RBFOX1: variants seen among roughly 807,000 people sequenced by gnomAD.
RBFOX1 encodes RNA binding fox-1 homolog 1, also known as RNA binding protein fox-1 homolog 1.
Under a neutral mutation model 57.7 loss-of-function variants are expected in RBFOX1, and 8 were observed. That is an observed-to-expected ratio of 0.14 (90% CI 0.08 to 0.25). RBFOX1 has a LOEUF of 0.25. Ranked by LOEUF, RBFOX1 falls within the 10% of genes least tolerant of loss-of-function variation. The pLI is 1.00. For missense variants in RBFOX1, 611 were observed against 548.5 expected, an observed-to-expected ratio of 1.11 and a Z score of -1.14; for synonymous variants, 326 against 222.4, an observed-to-expected ratio of 1.47 and a Z score of -4.15.
chr16:6,562,871 TCTTTCTTTC>T (rs1328655390), intron 2 of RBFOX1, among the ~76,000 whole-genome samples: 819 of 66,632 alleles, frequency 0.012, 11 homozygotes, highest in Middle Eastern at 0.016. Flanking sequence ...TTTCTTTCTT[TCTTTCTTTC>T]TTTTTTTTTT....
intron 2 of RBFOX1, among the ~76,000 whole-genome samples, chr16:6,367,762 A>T (rs2089866908): frequency 6.6e-6 from 1 of 151,610 alleles, no homozygotes; most frequent in Non-Finnish European, 1.5e-5. Context: ...AAAAAAAAAA[A>T]ATAGGGAAAA....
At chr16:6,303,252 C>G (rs749303015) in intron 1 of RBFOX1, among the ~76,000 whole-genome samples, 3 of 152,074 alleles carry the variant, frequency 2.0e-5, no homozygotes, top group African/African-American at 4.8e-5. Flanking sequence ...CACTTCAGTG[C>G]CATTTTCGTT....
intron 4 of RBFOX1, among the ~76,000 whole-genome samples, chr16:7,115,655 A>G (rs1379645634): frequency 1.3e-5 from 2 of 152,216 alleles, no homozygotes; most frequent in African/African-American, 2.4e-5. Flanking sequence ...AGAATAAGCA[A>G]TTCAAGAGAG....
chr16:7,704,867 A>G (rs531773800), intron 14 of RBFOX1, among the ~76,000 whole-genome samples: 79 of 152,048 alleles, frequency 5.2e-4, no homozygotes, highest in South Asian at 1.0e-3. Context: ...CCTGGGCAAC[A>G]TGGTGAAATG....
At chr16:6,323,373 G>A (rs2152792423) in intron 2 of RBFOX1, among the ~76,000 whole-genome samples, 1 of 152,286 alleles carries the variant, frequency 6.6e-6, no homozygotes, top group East Asian at 1.9e-4. Flanking sequence ...TTTACTGGGT[G>A]TGCACAATCT....
intron 4 of RBFOX1, among the ~76,000 whole-genome samples, chr16:7,250,899 A>G (rs903053587): frequency 3.9e-5 from 6 of 152,242 alleles, no homozygotes; most frequent in Non-Finnish European, 2.9e-5. Flanking sequence ...TTGAATTGAC[A>G]AAGATGGTAT....
intron 3 of RBFOX1, among the ~76,000 whole-genome samples, chr16:6,701,987 T>G (rs1346028314): frequency 6.6e-6 from 1 of 152,150 alleles, no homozygotes; most frequent in Non-Finnish European, 1.5e-5. Flanking sequence ...AAACTACCTG[T>G]TGGGTACTAT....
chr16:6,068,720 C>G (rs35619956), intron 1 of RBFOX1, among the ~76,000 whole-genome samples: 48,108 of 151,978 alleles, frequency 0.32, 8,572 homozygotes, highest in Non-Finnish European at 0.4. Context: ...TAATCACTTA[C>G]GTCTTTAGAG....
chr16:5,728,188 A>T (rs1236361539), intron 3 of RBFOX1, among the ~76,000 whole-genome samples: 1 of 152,244 alleles, frequency 6.6e-6, no homozygotes, highest in African/African-American at 2.4e-5. Context: ...ACAATAGCCA[A>T]GATATACAAA....
chr16:5,563,995 T>C (rs532597848), intron 2 of RBFOX1, among the ~76,000 whole-genome samples: 45 of 152,232 alleles, frequency 3.0e-4, no homozygotes, highest in African/African-American at 1.1e-3. Flanking sequence ...GTACTCAGTG[T>C]GTAGGAGAGA....
chr16:7,633,057 C>T (rs572809455), intron 11 of RBFOX1, among the ~76,000 whole-genome samples: 19 of 152,226 alleles, frequency 1.2e-4, no homozygotes, highest in African/African-American at 4.1e-4. Context: ...GAGGGCCACC[C>T]AAGCCAGCCC....
At chr16:7,053,229 A>C (rs1447233016) in intron 4 of RBFOX1, among the ~76,000 whole-genome samples, 1 of 152,146 alleles carries the variant, frequency 6.6e-6, no homozygotes, top group Admixed American at 6.6e-5. Context: ...CGAGAAAGTG[A>C]GACAAGGTTT....
chr16:6,623,719 T>A (rs577206336), intron 2 of RBFOX1, among the ~76,000 whole-genome samples: 37 of 152,240 alleles, frequency 2.4e-4, no homozygotes, highest in Middle Eastern at 3.4e-3. Context: ...CTTGCGATAG[T>A]TTGCTGAGAA....
At chr16:5,968,609 C>T (rs921628476) in intron 4 of RBFOX1, among the ~76,000 whole-genome samples, 1 of 152,038 alleles carries the variant, frequency 6.6e-6, no homozygotes, top group East Asian at 1.9e-4. Flanking sequence ...TGTTCTTTTG[C>T]CAAGATGCCT....
At chr16:6,986,997 G>A (rs1005441310) in intron 3 of RBFOX1, among the ~76,000 whole-genome samples, 1 of 152,120 alleles carries the variant, frequency 6.6e-6, no homozygotes, top group South Asian at 2.1e-4. Context: ...GCCAGGGTTT[G>A]TTGGTTAGTC....
intron 4 of RBFOX1, among the ~76,000 whole-genome samples, chr16:7,178,145 C>G (rs537766786): frequency 6.6e-6 from 1 of 152,200 alleles, no homozygotes; most frequent in Non-Finnish European, 1.5e-5. Flanking sequence ...ACAACAACAA[C>G]AAACAAAAAA....
chr16:6,333,132 C>G (rs574426463), intron 2 of RBFOX1, among the ~76,000 whole-genome samples: 1 of 152,054 alleles, frequency 6.6e-6, no homozygotes, highest in Admixed American at 6.6e-5. Flanking sequence ...CTCTGTCTCC[C>G]GGGCTCAAGC....
At position 6,925,109 on chromosome 16, in the gene RBFOX1, G is replaced by GTTTTTTTTTTTTTTTTTT. The variant is rs57556084; in HGVS notation, c.-15-126923_-15-126906dup. ...TCGTTGTTGGACATCTAGGTTGTTG[G>GTTTTTTTTTTTTTTTTTT]TTTTTTTTTTTTTTTTTTTTTTTTT... is the stretch of plus-strand genomic sequence containing the variant. On this transcript the variant is annotated intron_variant, in intron 3 of 15. Coordinates refer to ENST00000550418, the MANE Select transcript of RBFOX1 (RefSeq NM_018723.4). Among the ~76,000 whole-genome samples, 13 of 45,250 alleles carry GTTTTTTTTTTTTTTTTTT rather than the reference G, an allele frequency of 2.9e-4. 3 individuals carry two copies. Among genetic ancestry groups the GTTTTTTTTTTTTTTTTTT allele is most frequent in the African/African-American group, 7.9e-4 (9 of 11,332 alleles). The allele number at this position is 45,250 out of a possible 152,430, so 29.7% of individuals were successfully genotyped here.
intron 1 of RBFOX1, among the ~76,000 whole-genome samples, chr16:6,254,329 C>T (rs2097647196): frequency 6.6e-6 from 1 of 152,112 alleles, no homozygotes; most frequent in African/African-American, 2.4e-5. Context: ...TATCTATCTA[C>T]ATAAGTGATT....
Sources: gnomAD v4.1 joint callset for allele counts (sites outside exome capture counted in the v4.1 genomes callset) on GRCh38, gnomAD v4.1.1 for gene constraint, MANE v1.5 for transcripts, NCBI Gene and HGNC (gene_info 2026-07-23, HGNC 2026-07-21) for gene names.